CDK6: variants seen among roughly 807,000 people sequenced by gnomAD.
CDK6 encodes the protein cyclin dependent kinase 6.
In CDK6, 6 loss-of-function variants were observed where a neutral mutation model predicts 37.1. The ratio of observed to expected loss-of-function variants is 0.16; its 90% confidence interval spans 0.09 to 0.32. CDK6 has a LOEUF of 0.32. CDK6 is among the 10% of genes least tolerant of loss of function. The pLI is 1.00. For synonymous variants in CDK6, 160 were observed against 161.3 expected (o/e 0.99, Z 0.06); for missense variants, 224 against 418.9 (o/e 0.53, Z 4.06).
At chr7:92,665,228 T>A (rs1796929881) in intron 5 of CDK6, among the ~76,000 whole-genome samples, 1 of 152,172 alleles carries the variant, frequency 6.6e-6, no homozygotes, top group Admixed American at 6.5e-5. Context: ...GAATTTATTT[T>A]GCTGTATAGT....
chr7:92,774,484 G>T (rs571410683), intron 3 of CDK6, among the ~76,000 whole-genome samples: 2 of 151,996 alleles, frequency 1.3e-5, no homozygotes, highest in African/African-American at 2.4e-5. Flanking sequence ...TAAAATTAAT[G>T]AACTAGAATA....
At chr7:92,619,879 G>A (rs529232995) in intron 6 of CDK6, among the ~76,000 whole-genome samples, 1 of 152,006 alleles carries the variant, frequency 6.6e-6, no homozygotes, top group Admixed American at 6.6e-5. Flanking sequence ...TACAATAGAA[G>A]TAAAAAGAAA....
intron 5 of CDK6, among the ~76,000 whole-genome samples, chr7:92,666,987 T>C (rs1033098146): frequency 6.6e-6 from 1 of 152,144 alleles, no homozygotes; most frequent in Admixed American, 6.6e-5. Context: ...TCCATGCATG[T>C]TATTGCCCCT....
At chr7:92,658,590 T>A (rs1796761874) in intron 5 of CDK6, among the ~76,000 whole-genome samples, 1 of 151,724 alleles carries the variant, frequency 6.6e-6, no homozygotes, top group South Asian at 2.1e-4. Context: ...TTTCTCTCTC[T>A]CTCTCTCTCT....
At position 92,607,788 on chromosome 7, in the gene CDK6, C is replaced by T. The variant is rs1248929653; in HGVS notation, c.*7352G>A. 1 of 227,762 alleles carries T rather than the reference C, an allele frequency of 4.4e-6. No individual in the cohort carries two copies. The highest frequency in any genetic ancestry group is 8.7e-6 in the Non-Finnish European group (1 of 114,774). The allele number at this position is 227,762 out of a possible 1,614,324, so 14.1% of individuals were successfully genotyped here. On this transcript the variant is annotated 3_prime_UTR_variant, in exon 8 of 8. Coordinates refer to ENST00000424848, the MANE Select transcript of CDK6 (RefSeq NM_001145306.2). ...TGATGCTATAAATTCCATGTACTAACTAATATATTTACTACAGGTAATAGG... is the reference window on the plus strand; with the variant it reads ...TGATGCTATAAATTCCATGTACTAATTAATATATTTACTACAGGTAATAGG...
intron 4 of CDK6, among the ~76,000 whole-genome samples, chr7:92,683,721 C>A (rs1197183008): frequency 6.7e-6 from 1 of 149,396 alleles, no homozygotes; most frequent in Non-Finnish European, 1.5e-5. Context: ...GGGGGGGGGT[C>A]CCCACTATAT....
intron 4 of CDK6, among the ~76,000 whole-genome samples, chr7:92,722,889 A>G (rs1798400324): frequency 6.6e-6 from 1 of 152,224 alleles, no homozygotes; most frequent in South Asian, 2.1e-4. Context: ...AACAAGACAG[A>G]AAACAGTATT....
intron 3 of CDK6, among the ~76,000 whole-genome samples, chr7:92,740,291 C>T (rs1472584617): frequency 6.6e-6 from 1 of 152,158 alleles, no homozygotes; most frequent in Admixed American, 6.5e-5. Flanking sequence ...GGAATGCTTG[C>T]TCCATTGTCC....
chr7:92,717,576 T>C (rs1053914097), intron 4 of CDK6, among the ~76,000 whole-genome samples: 1 of 152,170 alleles, frequency 6.6e-6, no homozygotes, highest in Non-Finnish European at 1.5e-5. Flanking sequence ...CATACCCTGA[T>C]AGATGCTGGC....
intron 5 of CDK6, among the ~76,000 whole-genome samples, chr7:92,636,644 T>C (rs545542476): frequency 6.6e-6 from 1 of 152,228 alleles, no homozygotes; most frequent in Non-Finnish European, 1.5e-5. Flanking sequence ...TTGGTAAAAA[T>C]ATATGTTAAA....
chr7:92,622,221 T>C (rs950801380), intron 6 of CDK6, among the ~76,000 whole-genome samples: 4 of 152,134 alleles, frequency 2.6e-5, no homozygotes, highest in African/African-American at 4.8e-5. Context: ...CCCAGTTACA[T>C]TCTAGAAACA....
At chr7:92,776,287 ATTTTC>A (rs991299069) in intron 2 of CDK6, among the ~76,000 whole-genome samples, 1 of 152,086 alleles carries the variant, frequency 6.6e-6, no homozygotes, top group African/African-American at 2.4e-5. Context: ...TATGTGCCAC[ATTTTC>A]TTTATCCAGT....
At chr7:92,697,948 T>C (rs1797758531) in intron 4 of CDK6, among the ~76,000 whole-genome samples, 1 of 152,188 alleles carries the variant, frequency 6.6e-6, no homozygotes, top group Non-Finnish European at 1.5e-5. Flanking sequence ...TTGGAAAATG[T>C]TTTATTCACA....
rs1274739507 is a variant in CDK6, at chr7:92,655,176, T to C, written c.647+16250A>G. 2.6e-5 allele frequency among the ~76,000 whole-genome samples: 4 copies of C among 152,164 alleles called. No homozygotes were observed. In the East Asian group the frequency reaches 5.8e-4, roughly 22 times the overall value. On this transcript the variant is annotated intron_variant, in intron 5 of 7. Coordinates refer to ENST00000424848, the MANE Select transcript of CDK6 (RefSeq NM_001145306.2). Reference sequence around the variant, plus strand: ...ATGGATTTTTCAATTCAGTTCTGGCTAAATGAAAATTCTTCCTATAATTTT... The same window carrying C: ...ATGGATTTTTCAATTCAGTTCTGGCCAAATGAAAATTCTTCCTATAATTTT...
Position 92,608,088 on chromosome 7 carries a change from G to A in CDK6, c.*7052C>T, listed in dbSNP as rs1795470257. ...GGGTATCTTCAGAACTTTAACCTAA[G>A]CACATCAACGGAATTTTTCTAGGGA... On this transcript the variant is annotated 3_prime_UTR_variant, in exon 8 of 8. Coordinates refer to ENST00000424848, the MANE Select transcript of CDK6 (RefSeq NM_001145306.2). 4.3e-6 allele frequency: 1 copy of A among 233,012 alleles called. No individual in the cohort carries two copies. Among genetic ancestry groups the A allele is most frequent in the East Asian group, 6.1e-5 (1 of 16,428 alleles). The allele number at this position is 233,012 out of a possible 1,614,324, so 14.4% of individuals were successfully genotyped here.
At chr7:92,689,721 C>A (rs1452267517) in intron 4 of CDK6, among the ~76,000 whole-genome samples, 1 of 152,180 alleles carries the variant, frequency 6.6e-6, no homozygotes, top group Non-Finnish European at 1.5e-5. Flanking sequence ...CTGTCTTCTA[C>A]AAAGGCTGAA....
chr7:92,715,311 GGGTTTT>G lies in CDK6; in HGVS notation c.537+10309_537+10314del, dbSNP rs556537799. 5.5e-3 allele frequency among the ~76,000 whole-genome samples: 840 copies of G among 152,162 alleles called. 10 individuals carry two copies. Among genetic ancestry groups the G allele is most frequent in the African/African-American group, 0.019 (804 of 41,512 alleles). On this transcript the variant is annotated intron_variant, in intron 4 of 7. Coordinates refer to ENST00000424848, the MANE Select transcript of CDK6 (RefSeq NM_001145306.2). Reference sequence around the variant, plus strand: ...GTAGAGCTTTTTCTCCCTTATTTTGGGGTTTTTATGGTTGAGCTGTTAAATTTACAG... The same window carrying G: ...GTAGAGCTTTTTCTCCCTTATTTTGGTATGGTTGAGCTGTTAAATTTACAG...
chr7:92,648,361 T>G (rs1585366868), intron 5 of CDK6, among the ~76,000 whole-genome samples: 1 of 151,992 alleles, frequency 6.6e-6, no homozygotes, highest in South Asian at 2.1e-4. Context: ...ATGAGTCAAG[T>G]GACAAACCAA....
intron 4 of CDK6, among the ~76,000 whole-genome samples, chr7:92,705,814 A>G (rs1213337396): frequency 6.6e-6 from 1 of 152,218 alleles, no homozygotes; most frequent in Non-Finnish European, 1.5e-5. Context: ...TTAGAGAATA[A>G]GCAATTGTAT....
Sources: allele counts gnomAD v4.1 joint callset (sites outside exome capture counted in the v4.1 genomes callset), GRCh38; gene constraint gnomAD v4.1.1; transcripts MANE v1.5; gene names NCBI Gene and HGNC (gene_info 2026-07-23, HGNC 2026-07-21).